NKD1: variants seen among roughly 807,000 people sequenced by gnomAD.
NKD1 encodes NKD inhibitor of Wnt signaling pathway 1.
NKD1 carries 21 observed loss-of-function variants against 56.0 expected under a neutral mutation model. The ratio of observed to expected loss-of-function variants is 0.38; its 90% CI spans 0.27 to 0.54. The LOEUF is 0.54. Ranked by LOEUF, NKD1 falls within the 20% of genes least tolerant of loss-of-function variation. The probability of loss-of-function intolerance (pLI) is 0.82; values close to 1 mark genes in which losing one functional copy is unlikely to be tolerated. For missense variants in NKD1, 578 were observed against 642.7 expected, an observed-to-expected ratio of 0.90 and a Z score of 1.09; for synonymous variants, 263 against 265.7, an observed-to-expected ratio of 0.99 and a Z score of 0.10.
intron 3 of NKD1, among the ~76,000 whole-genome samples, chr16:50,597,352 T>G (rs1567344347): frequency 6.6e-6 from 1 of 152,032 alleles, no homozygotes; most frequent in Non-Finnish European, 1.5e-5. Flanking sequence ...AAGTTTGAGG[T>G]GCCTGTTGAG....
intron 3 of NKD1, among the ~76,000 whole-genome samples, chr16:50,590,815 T>A (rs183359107): frequency 6.2e-4 from 95 of 152,178 alleles, no homozygotes; most frequent in African/African-American, 2.2e-3. Context: ...ATTAAGCCTT[T>A]TTTTTGTTGT....
chr16:50,571,598 G>A (rs531006293), intron 3 of NKD1: 2 of 897,226 alleles, frequency 2.2e-6, no homozygotes, highest in Non-Finnish European at 2.7e-6. Flanking sequence ...ATCCTGGGGG[G>A]TCATTCCTAA....
At chr16:50,564,028 A>G (rs1390279343) in intron 3 of NKD1, among the ~76,000 whole-genome samples, 2 of 152,258 alleles carry the variant, frequency 1.3e-5, no homozygotes, top group South Asian at 2.1e-4. Flanking sequence ...GGAGGCGTCA[A>G]AGGAGTGCAA....
chr16:50,627,827 G>T (rs956135186), intron 6 of NKD1, among the ~76,000 whole-genome samples: 1 of 152,206 alleles, frequency 6.6e-6, no homozygotes, highest in African/African-American at 2.4e-5. Context: ...GGTCTGCTGG[G>T]ACCACCCCCA....
intron 3 of NKD1, chr16:50,575,200 T>G: frequency 1.0e-6 from 1 of 985,330 alleles, no homozygotes; most frequent in Non-Finnish European, 1.2e-6. Flanking sequence ...GAAAGGAAAC[T>G]TGCTCAGATC....
At chr16:50,563,042 G>T (rs74017713) in intron 3 of NKD1, among the ~76,000 whole-genome samples, 1,727 of 133,110 alleles carry the variant, frequency 0.013, 32 homozygotes, top group African/African-American at 0.045. Flanking sequence ...GTGACCTCTA[G>T]ACTGTGCTGA....
At chr16:50,608,079 G>A (rs1567347594) in intron 3 of NKD1, 12 of 561,906 alleles carry the variant, frequency 2.1e-5, no homozygotes, top group South Asian at 2.1e-4. Context: ...ATAGCCTGTG[G>A]TGGCCTGAAT....
At chr16:50,559,862 A>C (rs1960585458) in intron 3 of NKD1, among the ~76,000 whole-genome samples, 1 of 152,144 alleles carries the variant, frequency 6.6e-6, no homozygotes, top group Non-Finnish European at 1.5e-5. Flanking sequence ...GGACCCTGTT[A>C]GCAGGATGGG....
chr16:50,562,386 G>T (rs1960653048), intron 3 of NKD1: 1 of 505,544 alleles, frequency 2.0e-6, no homozygotes, highest in African/African-American at 2.1e-5. Flanking sequence ...GGAGAATTTT[G>T]CTTTTCATTT....
intron 3 of NKD1, among the ~76,000 whole-genome samples, chr16:50,589,806 C>G (rs1296907594): frequency 8.8e-6 from 1 of 114,030 alleles, no homozygotes; most frequent in Non-Finnish European, 1.7e-5. Context: ...CCTCTCCTCT[C>G]CTCTCCTCTC....
At chr16:50,574,604 C>A (rs1596714541) in intron 3 of NKD1, 1 of 985,316 alleles carries the variant, frequency 1.0e-6, no homozygotes. Flanking sequence ...GCCTCGCAGG[C>A]CTGGCCTCCA....
intron 3 of NKD1, chr16:50,574,854 T>TG: frequency 1.0e-6 from 1 of 985,480 alleles, no homozygotes; most frequent in East Asian, 1.1e-4. Context: ...TGTTTCTATG[T>TG]GGGGGCCATG....
chr16:50,637,707 TC>T lies in NKD1; in HGVS notation c.*3928del, dbSNP rs1962498025. On this transcript the variant is annotated 3_prime_UTR_variant, in exon 10 of 10. Transcript: ENST00000268459. ...TGCTGGTGAGGTTTTGAGCACATTT[TC>T]CTGCAGGCTGGTATGGGTGAGAGGT... The T allele has an allele frequency of 6.6e-6, 1 of 152,256 alleles. No individual in the cohort carries two copies. Among genetic ancestry groups the T allele is most frequent in the Non-Finnish European group, 1.5e-5 (1 of 68,056 alleles). The allele number at this position is 152,256 out of a possible 1,614,324, so 9.4% of individuals were successfully genotyped here.
intron 3 of NKD1, among the ~76,000 whole-genome samples, chr16:50,567,213 A>G (rs1440723928): frequency 3.3e-5 from 5 of 152,172 alleles, no homozygotes; most frequent in African/African-American, 1.2e-4. Flanking sequence ...AGATTAAATG[A>G]TGAAGTAATG....
rs537035182 is a variant in NKD1, at chr16:50,627,817, G to A, written c.462+2237G>A. Among the ~76,000 whole-genome samples the A allele has an allele frequency of 7.2e-5, 11 of 152,260 alleles. No individual in the cohort carries two copies. The East Asian group carries it at 2.1e-3, about 29-fold the overall frequency. ...AAAGCACATAGGCTCTGAGACCCTC[G>A]GTCTGCTGGGACCACCCCCATCCTG... is the stretch of plus-strand genomic sequence containing the variant. On this transcript the variant is annotated intron_variant, in intron 6 of 9. Coordinates refer to ENST00000268459, the MANE Select transcript of NKD1 (RefSeq NM_033119.5).
intron 5 of NKD1, among the ~76,000 whole-genome samples, chr16:50,622,145 T>G (rs1160278221): frequency 1.3e-5 from 2 of 152,226 alleles, no homozygotes; most frequent in Non-Finnish European, 2.9e-5. Flanking sequence ...TGACGCTCTC[T>G]GGGCCTGAGT....
intron 4 of NKD1, among the ~76,000 whole-genome samples, chr16:50,615,193 G>A (rs1481458712): frequency 6.6e-6 from 1 of 152,250 alleles, no homozygotes; most frequent in Non-Finnish European, 1.5e-5. Flanking sequence ...GGACAGGCCA[G>A]TGGTTGAGGA....
At chr16:50,631,962 A>C (rs902497916) in intron 8 of NKD1, among the ~76,000 whole-genome samples, 11 of 152,276 alleles carry the variant, frequency 7.2e-5, no homozygotes, top group Non-Finnish European at 1.0e-4. Flanking sequence ...GAAGCCTGGC[A>C]CTGGGGCATT....
rs140631227 is a variant in NKD1 at position 50,633,436 on chromosome 16, G to A, written c.1068G>A (p.Val356=). ...VRSPKAQGKS[V]GVGHVARGAR... Reference sequence around the variant, plus strand: ...CCCCCAAGGCCCAGGGCAAGAGTGTGGGTGTGGGCCACGTGGCCAGAGGGG... The same window carrying A: ...CCCCCAAGGCCCAGGGCAAGAGTGTAGGTGTGGGCCACGTGGCCAGAGGGG... The change falls in exon 10 of 10, where the codon GTG becomes GTA. Residue 356 remains valine (V), a synonymous_variant. Transcript: ENST00000268459. The surrounding 1 kb of genome is among the most constrained non-coding windows in gnomAD (Gnocchi z 4.9). The A allele has an allele frequency of 4.3e-6, 7 of 1,611,428 alleles. No individual in the cohort carries two copies. Among genetic ancestry groups the A allele is most frequent in the African/African-American group, 1.3e-5 (1 of 75,008 alleles).
Sources: allele counts gnomAD v4.1 joint callset (sites outside exome capture counted in the v4.1 genomes callset), GRCh38; gene constraint gnomAD v4.1.1; non-coding constraint Gnocchi (gnomAD v3.1); transcripts MANE v1.5; gene names NCBI Gene and HGNC (gene_info 2026-07-23, HGNC 2026-07-21).